The following TBC1D19 variants were observed in gnomAD, a reference collection of about 807,000 sequenced individuals.
TBC1D19 encodes the protein TBC1 domain family, member 19.
Under a neutral mutation model 89.0 loss-of-function variants are expected in TBC1D19, and 60 were observed. That is an observed-to-expected ratio of 0.67 (90% CI 0.55 to 0.84). The LOEUF (loss-of-function observed/expected upper bound fraction) is 0.84, where lower values mean the gene tolerates loss of function less well. TBC1D19 is among the 40% of genes least tolerant of loss of function. The pLI is 0.00. For missense variants in TBC1D19, 500 were observed against 610.8 expected, an observed-to-expected ratio of 0.82 and a Z score of 1.91; for synonymous variants, 189 against 199.7, an observed-to-expected ratio of 0.95 and a Z score of 0.45.
chr4:26,685,363 A>T (rs1374505311), intron 12 of TBC1D19, among the ~76,000 whole-genome samples: 2 of 151,862 alleles, frequency 1.3e-5, no homozygotes, highest in Non-Finnish European at 2.9e-5. Context: ...AGCTGAAGAC[A>T]TTTTTTTTCC....
chr4:26,677,273 C>A (rs1193862061), intron 11 of TBC1D19, among the ~76,000 whole-genome samples: 1 of 151,862 alleles, frequency 6.6e-6, no homozygotes, highest in East Asian at 1.9e-4. Flanking sequence ...TAAAAAAAAA[C>A]AAAACCTTCT....
the TBC1D19 span, among the ~76,000 whole-genome samples, chr4:26,847,726 G>A: frequency 6.6e-6 from 1 of 152,198 alleles, no homozygotes; most frequent in African/African-American, 2.4e-5. Context: ...GCAAAACAGG[G>A]AAAGCATTTA....
chr4:26,687,016 T>C (rs996075409), intron 12 of TBC1D19, among the ~76,000 whole-genome samples: 1 of 151,978 alleles, frequency 6.6e-6, no homozygotes, highest in Non-Finnish European at 1.5e-5. Flanking sequence ...TTATTTGTCT[T>C]CTTTTTTGTT....
intron 1 of TBC1D19, among the ~76,000 whole-genome samples, chr4:26,603,629 G>GA (rs1740776047): frequency 6.6e-6 from 1 of 152,060 alleles, no homozygotes; most frequent in African/African-American, 2.4e-5. Flanking sequence ...TATGGCAGGT[G>GA]AAAAAATCTA....
intron 7 of TBC1D19, among the ~76,000 whole-genome samples, chr4:26,645,591 A>G (rs1382011302): frequency 6.6e-6 from 1 of 152,240 alleles, no homozygotes; most frequent in African/African-American, 2.4e-5. Context: ...GGACATAGGC[A>G]TGGGCAAGGA....
intron 11 of TBC1D19, among the ~76,000 whole-genome samples, chr4:26,674,217 G>C (rs188225369): frequency 6.6e-6 from 1 of 151,986 alleles, no homozygotes; most frequent in Non-Finnish European, 1.5e-5. Context: ...GTTAGACTAC[G>C]GAGAAATAAA....
chr4:26,623,820 G>C (rs1742222651), intron 4 of TBC1D19, among the ~76,000 whole-genome samples: 1 of 151,888 alleles, frequency 6.6e-6, no homozygotes, highest in Admixed American at 6.6e-5. Context: ...GCCTTTTATT[G>C]TTTACTTTAT....
chr4:26,817,981 A>AAATATATATATATATATAT, the TBC1D19 span, among the ~76,000 whole-genome samples: 78 of 126,016 alleles, frequency 6.2e-4, no homozygotes, highest in African/African-American at 2.4e-3. Flanking sequence ...AAAAAAAAAA[A>AAATATATATATATATATAT]ATATATATAT....
At chr4:26,771,688 A>G in the TBC1D19 span, among the ~76,000 whole-genome samples, 1 of 152,154 alleles carries the variant, frequency 6.6e-6, no homozygotes, top group South Asian at 2.1e-4. Context: ...TTTCAATAGT[A>G]TAAAGCTTCA....
chr4:26,576,947 A>T, intron 1 of TBC1D19: 1 of 426,758 alleles, frequency 2.3e-6, no homozygotes, highest in Non-Finnish European at 4.7e-6. Context: ...TGTTGCTATA[A>T]AGGTATTTTT....
At chr4:26,609,222 A>T (rs1304338050) in intron 1 of TBC1D19, among the ~76,000 whole-genome samples, 1 of 152,028 alleles carries the variant, frequency 6.6e-6, no homozygotes, top group African/African-American at 2.4e-5. Context: ...AATAAAATTT[A>T]AAAAAATAGA....
At chr4:26,733,237 G>A (rs1717772755) in intron 15 of TBC1D19, among the ~76,000 whole-genome samples, 1 of 152,142 alleles carries the variant, frequency 6.6e-6, no homozygotes, top group Non-Finnish European at 1.5e-5. Context: ...AAACAACAAA[G>A]AAGTATGAAC....
chr4:26,774,555 T>G, the TBC1D19 span, among the ~76,000 whole-genome samples: 1 of 152,216 alleles, frequency 6.6e-6, no homozygotes, highest in Non-Finnish European at 1.5e-5. Context: ...GGTTTCATAT[T>G]TTTGATGCTA....
At chr4:26,804,485 T>C in the TBC1D19 span, among the ~76,000 whole-genome samples, 1 of 152,242 alleles carries the variant, frequency 6.6e-6, no homozygotes, top group African/African-American at 2.4e-5. Context: ...TTGGTAATGG[T>C]GACCGTGGGC....
chr4:26,584,811 T>C (rs1739319339), intron 1 of TBC1D19: 1 of 167,010 alleles, frequency 6.0e-6, no homozygotes, highest in African/African-American at 2.4e-5. Flanking sequence ...ATTTATTGGA[T>C]ATTTTATAAC....
chr4:26,660,697 T>C (rs1054751249), intron 8 of TBC1D19, among the ~76,000 whole-genome samples: 3 of 152,132 alleles, frequency 2.0e-5, no homozygotes, highest in Non-Finnish European at 4.4e-5. Context: ...CTCACCTCAG[T>C]AGTCCTCAAT....
chr4:26,739,774 T>C (rs1208301361), intron 16 of TBC1D19, 90 bp from the exon 17 acceptor site: 1 of 760,322 alleles, frequency 1.3e-6, no homozygotes, highest in Non-Finnish European at 2.0e-6. Flanking sequence ...ATGATTACTA[T>C]AAAATAGTGA....
At chr4:26,666,485 C>A (rs1242463397) in intron 9 of TBC1D19, 80 bp downstream of exon 9, 4 of 1,224,116 alleles carry the variant, frequency 3.3e-6, no homozygotes, top group South Asian at 1.6e-5. Flanking sequence ...CCAAGTTAAT[C>A]TAGCAATTTT....
At chr4:26,801,764 C>A in the TBC1D19 span, among the ~76,000 whole-genome samples, 7 of 151,922 alleles carry the variant, frequency 4.6e-5, no homozygotes, top group African/African-American at 1.5e-4. Context: ...CTTTTCTGGA[C>A]GTGAAAAGGC....
Sources: allele counts gnomAD v4.1 joint callset (sites outside exome capture counted in the v4.1 genomes callset), GRCh38; gene constraint gnomAD v4.1.1; transcripts MANE v1.5; gene names NCBI Gene and HGNC (gene_info 2026-07-23, HGNC 2026-07-21).